The following TRPC4AP variants were observed in gnomAD, a reference collection of about 807,000 sequenced individuals.
TRPC4AP encodes short transient receptor potential channel 4-associated protein.
A neutral mutation model predicts 99.0 loss-of-function variants in TRPC4AP; 45 were observed. The observed-to-expected ratio is 0.45, with a 90% confidence interval of 0.36 to 0.58. TRPC4AP has a LOEUF of 0.58. Ranked by LOEUF, TRPC4AP falls within the 20% of genes least tolerant of loss-of-function variation. TRPC4AP has a pLI of 0.00. For synonymous variants in TRPC4AP, 408 were observed against 385.8 expected, an observed-to-expected ratio of 1.06 and a Z score of -0.67; for missense variants, 879 against 985.3, an observed-to-expected ratio of 0.89 and a Z score of 1.44.
intron 4 of TRPC4AP, among the ~76,000 whole-genome samples, chr20:35,056,605 A>AG (rs1466169354): frequency 1.2e-4 from 19 of 152,140 alleles, no homozygotes; most frequent in Admixed American, 5.2e-4. Flanking sequence ...CAAAGTTGGT[A>AG]GGAGGGCATT....
intron 1 of TRPC4AP, among the ~76,000 whole-genome samples, chr20:35,090,583 A>T (rs2085030184): frequency 6.6e-6 from 1 of 152,066 alleles, no homozygotes; most frequent in South Asian, 2.1e-4. Context: ...CATGTTGGCC[A>T]GGCTGGTCTC....
chr20:35,075,027 CT>C (rs1247491718), intron 2 of TRPC4AP, among the ~76,000 whole-genome samples: 4 of 151,676 alleles, frequency 2.6e-5, no homozygotes, highest in South Asian at 2.1e-4. Context: ...GGCCTTGTCT[CT>C]TTTGATCTTT....
At chr20:35,052,235 G>A (rs2147382136) in intron 5 of TRPC4AP, among the ~76,000 whole-genome samples, 1 of 94,992 alleles carries the variant, frequency 1.1e-5, no homozygotes, top group South Asian at 3.4e-4. Flanking sequence ...GAGGAGCTGG[G>A]ACTATGGTAT....
At chr20:35,089,343 C>T (rs1352955366) in intron 1 of TRPC4AP, among the ~76,000 whole-genome samples, 1 of 151,732 alleles carries the variant, frequency 6.6e-6, no homozygotes, top group Non-Finnish European at 1.5e-5. Context: ...CTTCCCACCT[C>T]GGGTTCCTGA....
At chr20:35,004,320 C>T in intron 17 of TRPC4AP, 138 bp downstream of exon 17, 1 of 733,810 alleles carries the variant, frequency 1.4e-6, no homozygotes, top group Non-Finnish European at 2.3e-6. Context: ...ACTGATTCCT[C>T]CTGAGCACAG....
At chr20:35,072,877 A>G (rs1253618628) in intron 2 of TRPC4AP, among the ~76,000 whole-genome samples, 1 of 152,174 alleles carries the variant, frequency 6.6e-6, no homozygotes, top group Admixed American at 6.5e-5. Context: ...CTCGGGCAAT[A>G]TGGCCATTTT....
chr20:35,005,908 C>A, intron 15 of TRPC4AP, 105 bp from the exon 16 acceptor site: 1 of 936,578 alleles, frequency 1.1e-6, no homozygotes, highest in Admixed American at 2.1e-5. Context: ...TCTACCAGCC[C>A]CACTGCTTCA....
At chr20:35,025,679 A>T (rs933315297) in intron 8 of TRPC4AP, among the ~76,000 whole-genome samples, 1 of 152,156 alleles carries the variant, frequency 6.6e-6, no homozygotes, top group Non-Finnish European at 1.5e-5. Context: ...ATTTGCAAAG[A>T]TGTCCCACCC....
At chr20:35,046,633 C>G (rs542089871) in intron 6 of TRPC4AP, among the ~76,000 whole-genome samples, 1 of 152,150 alleles carries the variant, frequency 6.6e-6, no homozygotes, top group Non-Finnish European at 1.5e-5. Flanking sequence ...ATCCCATACT[C>G]GCCTCTATTT....
At chr20:35,069,947 A>T (rs962630373) in intron 2 of TRPC4AP, among the ~76,000 whole-genome samples, 4 of 152,162 alleles carry the variant, frequency 2.6e-5, no homozygotes, top group Non-Finnish European at 5.9e-5. Context: ...TCATTAAAAA[A>T]AAATAAAAAG....
At chr20:35,008,576 G>T in intron 13 of TRPC4AP, 88 bp downstream of exon 13, 1 of 1,132,704 alleles carries the variant, frequency 8.8e-7, no homozygotes, top group Non-Finnish European at 1.3e-6. Flanking sequence ...CATGGACGCT[G>T]GTGACTAAAG....
chr20:35,086,507 ATGTGTGTGTGTGTATATATGTGTGTGTG>A, intron 1 of TRPC4AP, among the ~76,000 whole-genome samples: 1 of 63,050 alleles, frequency 1.6e-5, no homozygotes, highest in East Asian at 5.7e-4. Flanking sequence ...GTGTATATAT[ATGTGTGTGTGTGTATATATGTGTGTGTG>A]TGTGTGTGTG....
rs2082416308 is a variant in TRPC4AP, at chr20:35,002,602, G to A, written c.*544C>T. The A allele has an allele frequency of 5.5e-6, 1 of 182,652 alleles. No individual in the cohort carries two copies. Among genetic ancestry groups the A allele is most frequent in the Non-Finnish European group, 1.1e-5 (1 of 88,456 alleles). 11.3% of individuals were successfully genotyped at this position (182,652 alleles called of 1,614,324 possible). ...CCTCACTTCTGGGAGAACCCCCTTGGATGAACACAGCGGCCAATGAGCAAA... is the reference window on the plus strand; with the variant it reads ...CCTCACTTCTGGGAGAACCCCCTTGAATGAACACAGCGGCCAATGAGCAAA... On this transcript the variant is annotated 3_prime_UTR_variant, in exon 19 of 19. Coordinates refer to ENST00000252015, the MANE Select transcript of TRPC4AP (RefSeq NM_015638.3).
At chr20:35,022,462 CCTA>C (rs2147299997) in intron 8 of TRPC4AP, among the ~76,000 whole-genome samples, 1 of 152,222 alleles carries the variant, frequency 6.6e-6, no homozygotes, top group East Asian at 1.9e-4. Flanking sequence ...AGCGTAGATC[CCTA>C]CTATTTTAAG....
intron 5 of TRPC4AP, among the ~76,000 whole-genome samples, chr20:35,052,183 T>C (rs2083717712): frequency 6.6e-6 from 1 of 151,056 alleles, no homozygotes; most frequent in African/African-American, 2.4e-5. Flanking sequence ...CACCGCAGCC[T>C]TAACCTCTCA....
chr20:35,061,377 G>T (rs904445174), intron 3 of TRPC4AP, among the ~76,000 whole-genome samples: 1 of 152,182 alleles, frequency 6.6e-6, no homozygotes, highest in Non-Finnish European at 1.5e-5. Flanking sequence ...TGGATCAGAA[G>T]ATTTAATATT....
intron 5 of TRPC4AP, among the ~76,000 whole-genome samples, chr20:35,051,607 T>A: frequency 6.9e-6 from 1 of 144,054 alleles, no homozygotes; most frequent in African/African-American, 2.6e-5. Flanking sequence ...GTCGTAGCAC[T>A]GACACATTAA....
At chr20:35,077,858 G>A (rs892697306) in intron 2 of TRPC4AP, among the ~76,000 whole-genome samples, 188 bp downstream of exon 2, 1 of 152,046 alleles carries the variant, frequency 6.6e-6, no homozygotes, top group Non-Finnish European at 1.5e-5. Context: ...GATTATCTTG[G>A]GATGATGGGA....
intron 2 of TRPC4AP, among the ~76,000 whole-genome samples, chr20:35,070,170 A>G (rs1436707411): frequency 6.6e-6 from 1 of 152,152 alleles, no homozygotes; most frequent in Non-Finnish European, 1.5e-5. Context: ...CAGCACATGA[A>G]GCAGAGGAGC....
Sources: allele counts gnomAD v4.1 joint callset (sites outside exome capture counted in the v4.1 genomes callset), GRCh38; gene constraint gnomAD v4.1.1; transcripts MANE v1.5; gene names NCBI Gene and HGNC (gene_info 2026-07-23, HGNC 2026-07-21).